ATE1: variants seen among roughly 807,000 people sequenced by gnomAD.
The protein encoded by ATE1 is arginyltransferase 1, also known as arginyl-tRNA--protein transferase 1.
In ATE1, 36 loss-of-function variants were observed where a neutral mutation model predicts 70.5. That is an observed-to-expected ratio of 0.51 (90% CI 0.39 to 0.67). The LOEUF is 0.67. Among genes scored for constraint, ATE1 ranks in the 30% least tolerant of loss-of-function variants. ATE1 has a pLI of 0.00. For missense variants in ATE1, 593 were observed against 629.5 expected, an observed-to-expected ratio of 0.94 and a Z score of 0.62; for synonymous variants, 232 against 219.3, an observed-to-expected ratio of 1.06 and a Z score of -0.51.
intron 11 of ATE1, among the ~76,000 whole-genome samples, chr10:121,780,498 A>C (rs1365766905): frequency 6.6e-6 from 1 of 152,098 alleles, no homozygotes; most frequent in African/African-American, 2.4e-5. Context: ...CTCTGCTCTT[A>C]ACCAATTCCC....
intron 11 of ATE1, among the ~76,000 whole-genome samples, chr10:121,778,147 C>T (rs1032752750): frequency 6.6e-6 from 1 of 152,214 alleles, no homozygotes; most frequent in Non-Finnish European, 1.5e-5. Context: ...GAAAACCTCA[C>T]GTTTAACAGC....
chr10:121,834,738 C>G (rs1948372010), intron 10 of ATE1, among the ~76,000 whole-genome samples: 1 of 151,842 alleles, frequency 6.6e-6, no homozygotes, highest in Non-Finnish European at 1.5e-5. Context: ...AAACAAAGAC[C>G]CAGGTTAAAA....
At chr10:121,854,245 A>C (rs1949161736) in intron 8 of ATE1, among the ~76,000 whole-genome samples, 1 of 152,174 alleles carries the variant, frequency 6.6e-6, no homozygotes, top group Non-Finnish European at 1.5e-5. Flanking sequence ...GTTTTTATCT[A>C]ATCTAGCAAT....
chr10:121,924,427 A>G (rs998049086), intron 1 of ATE1, 98 bp from the exon 2 acceptor site: 61 of 1,165,338 alleles, frequency 5.2e-5, no homozygotes, highest in Middle Eastern at 4.2e-4. Context: ...GTGTCCGGGC[A>G]CGGTGGCTCA....
intron 8 of ATE1, among the ~76,000 whole-genome samples, chr10:121,845,400 C>T (rs1047562917): frequency 1.3e-5 from 2 of 152,098 alleles, no homozygotes; most frequent in Non-Finnish European, 2.9e-5. Context: ...GTAATGCATA[C>T]AAATTTTTAA....
intron 8 of ATE1, among the ~76,000 whole-genome samples, chr10:121,857,569 T>C (rs1426192199): frequency 6.6e-6 from 1 of 152,220 alleles, no homozygotes; most frequent in African/African-American, 2.4e-5. Context: ...GAACTAAAAA[T>C]AGTATTTGAC....
chr10:121,832,831 G>C (rs12782097), intron 10 of ATE1, among the ~76,000 whole-genome samples: 27,144 of 152,188 alleles, frequency 0.18, 3,168 homozygotes, highest in Non-Finnish European at 0.25. Context: ...CTTTCAGAGA[G>C]AGGTAGTATT....
rs1944194298 is a variant in ATE1, at chr10:121,742,901, C to A, written c.*779G>T. On this transcript the variant is annotated 3_prime_UTR_variant, in exon 12 of 12. Transcript: ENST00000224652. ...ATGAGACTTAGATCAAGGCAGGAAC[C>A]AACATTTTTCTTTAAAAAAATTCAA... 6.6e-6 allele frequency: 1 copy of A among 152,100 alleles called. No individual in the cohort carries two copies. The highest frequency in any genetic ancestry group is 2.1e-4 in the South Asian group (1 of 4,824). 9.4% of individuals were successfully genotyped at this position (152,100 alleles called of 1,614,324 possible). A position where few individuals can be genotyped will look rare whatever the true frequency, so the allele number is the denominator to read the frequency against.
intron 7 of ATE1, among the ~76,000 whole-genome samples, chr10:121,898,006 T>C (rs947748321): frequency 6.6e-6 from 1 of 151,992 alleles, no homozygotes; most frequent in Non-Finnish European, 1.5e-5. Context: ...CCTCTCTTTT[T>C]AGCTTACACA....
At chr10:121,900,239 T>C (rs919718500) in intron 6 of ATE1, among the ~76,000 whole-genome samples, 1 of 152,176 alleles carries the variant, frequency 6.6e-6, no homozygotes, top group African/African-American at 2.4e-5. Flanking sequence ...ATGACTGAAT[T>C]ATGTAAGCCT....
intron 11 of ATE1, among the ~76,000 whole-genome samples, chr10:121,750,920 T>A (rs1944553098): frequency 6.6e-6 from 1 of 152,196 alleles, no homozygotes; most frequent in Admixed American, 6.5e-5. Flanking sequence ...TCAAGTATGA[T>A]TTAGAATATT....
chr10:121,848,731 T>TAGTTGGTA (rs71022873), intron 8 of ATE1, among the ~76,000 whole-genome samples: 45,221 of 149,914 alleles, frequency 0.3, 7,998 homozygotes, highest in Middle Eastern at 0.43. Flanking sequence ...GCCAACTTGG[T>TAGTTGGTA]GAAACCCTGT....
chr10:121,890,098 T>A (rs968456255), intron 7 of ATE1, among the ~76,000 whole-genome samples: 2 of 152,162 alleles, frequency 1.3e-5, no homozygotes, highest in Non-Finnish European at 2.9e-5. Context: ...TCTTTCAACT[T>A]TTCTGTTCAA....
chr10:121,783,278 T>C (rs1480780863), intron 11 of ATE1, among the ~76,000 whole-genome samples: 1 of 152,164 alleles, frequency 6.6e-6, no homozygotes, highest in Non-Finnish European at 1.5e-5. Context: ...ATATCTAAAC[T>C]CAATACCCTC....
chr10:121,846,142 C>G (rs1275624672), intron 8 of ATE1, among the ~76,000 whole-genome samples: 1 of 149,752 alleles, frequency 6.7e-6, no homozygotes, highest in South Asian at 2.1e-4. Context: ...AAAAAAAAAC[C>G]CAAAACCAAA....
chr10:121,920,433 G>A lies in ATE1; in HGVS notation c.233+1916C>T, dbSNP rs370030780. Among the ~76,000 whole-genome samples, 4 of 152,048 alleles carry A rather than the reference G, an allele frequency of 2.6e-5. No homozygotes were observed. The East Asian group carries it at 7.7e-4, about 29-fold the overall frequency. ...TACAGTCCCAGCTACTTGGGAGGCT[G>A]AGGTGGGAGGATTACTTGAGCCTGG... is the stretch of plus-strand genomic sequence containing the variant. On this transcript the variant is annotated intron_variant, in intron 3 of 11. Transcript: ENST00000224652.
At chr10:121,750,316 T>G (rs1041335049) in intron 11 of ATE1, among the ~76,000 whole-genome samples, 1 of 152,178 alleles carries the variant, frequency 6.6e-6, no homozygotes, top group African/African-American at 2.4e-5. Flanking sequence ...AGAAAAACTC[T>G]CGGCTTACTG....
chr10:121,844,234 C>G (rs1948734090), intron 8 of ATE1, among the ~76,000 whole-genome samples: 1 of 152,216 alleles, frequency 6.6e-6, no homozygotes. Context: ...CACTGCACTT[C>G]AGCCTATGCA....
chr10:121,804,191 G>C (rs150092230), intron 10 of ATE1, among the ~76,000 whole-genome samples: 1 of 152,264 alleles, frequency 6.6e-6, no homozygotes, highest in African/African-American at 2.4e-5. Context: ...AGAAAGTCAA[G>C]TCAATTTCAC....
Sources: gnomAD v4.1 joint callset for allele counts (sites outside exome capture counted in the v4.1 genomes callset) on GRCh38, gnomAD v4.1.1 for gene constraint, MANE v1.5 for transcripts, NCBI Gene and HGNC (gene_info 2026-07-23, HGNC 2026-07-21) for gene names.